RPS6KC1: variants seen among roughly 807,000 people sequenced by gnomAD.
RPS6KC1 encodes ribosomal protein S6 kinase C1.
Under a neutral mutation model 103.8 loss-of-function variants are expected in RPS6KC1, and 54 were observed. That is an observed-to-expected ratio of 0.52 (90% CI 0.42 to 0.65). The LOEUF is 0.65. Among genes scored for constraint, RPS6KC1 ranks in the 30% least tolerant of loss-of-function variants. The pLI is 0.00. For missense variants in RPS6KC1, 1,151 were observed against 1,253.8 expected (o/e 0.92, Z 1.24); for synonymous variants, 439 against 438.7 (o/e 1.00, Z -0.01).
the RPS6KC1 span, among the ~76,000 whole-genome samples, chr1:213,765,058 A>G: frequency 6.6e-6 from 1 of 152,008 alleles, no homozygotes; most frequent in Non-Finnish European, 1.5e-5. Context: ...CAGCCCTTGG[A>G]CACCCTCTCC....
the RPS6KC1 span, among the ~76,000 whole-genome samples, chr1:213,284,272 T>C: frequency 6.6e-6 from 1 of 152,148 alleles, no homozygotes; most frequent in African/African-American, 2.4e-5. Flanking sequence ...ATACCAACAC[T>C]TTGGGAGCCT....
chr1:213,238,540 TTAG>T (rs2094279833), intron 10 of RPS6KC1, among the ~76,000 whole-genome samples: 1 of 152,100 alleles, frequency 6.6e-6, no homozygotes, highest in Non-Finnish European at 1.5e-5. Flanking sequence ...TAGGCAGCAA[TTAG>T]TAGGGTAGAG....
chr1:213,172,351 T>C (rs2091537603), intron 7 of RPS6KC1, among the ~76,000 whole-genome samples: 1 of 152,110 alleles, frequency 6.6e-6, no homozygotes, highest in South Asian at 2.1e-4. Context: ...CCCAGCACTT[T>C]GGAAGGCTGA....
the RPS6KC1 span, among the ~76,000 whole-genome samples, chr1:213,607,136 C>A: frequency 6.6e-6 from 1 of 152,160 alleles, no homozygotes; most frequent in African/African-American, 2.4e-5. Flanking sequence ...CTCTCCCCTG[C>A]AACTTCTCTC....
the RPS6KC1 span, among the ~76,000 whole-genome samples, chr1:213,435,560 A>G: frequency 2.6e-5 from 4 of 152,204 alleles, no homozygotes; most frequent in Admixed American, 2.0e-4. Context: ...TTAAGCAGAA[A>G]CAGAGCAGTG....
At chr1:213,655,894 A>AACTC in the RPS6KC1 span, among the ~76,000 whole-genome samples, 1 of 152,152 alleles carries the variant, frequency 6.6e-6, no homozygotes, top group South Asian at 2.1e-4. Flanking sequence ...ATGTTAAGGA[A>AACTC]ACTCAGAAGT....
the RPS6KC1 span, among the ~76,000 whole-genome samples, chr1:213,654,799 A>G: frequency 6.6e-6 from 1 of 152,204 alleles, no homozygotes; most frequent in African/African-American, 2.4e-5. Context: ...ATCAGCCTAT[A>G]AGTTTCCAAA....
At chr1:213,530,232 C>T in the RPS6KC1 span, among the ~76,000 whole-genome samples, 9 of 152,222 alleles carry the variant, frequency 5.9e-5, no homozygotes, top group South Asian at 1.9e-3. Context: ...TTTCCATCTC[C>T]CCTACCTTAG....
chr1:213,808,582 G>A, the RPS6KC1 span, among the ~76,000 whole-genome samples: 37 of 152,348 alleles, frequency 2.4e-4, no homozygotes, highest in African/African-American at 8.9e-4. Context: ...GACCCTCCGA[G>A]CCAGGTGCAG....
the RPS6KC1 span, among the ~76,000 whole-genome samples, chr1:213,415,371 TG>T: frequency 2.6e-5 from 4 of 152,228 alleles, no homozygotes; most frequent in Non-Finnish European, 5.9e-5. Context: ...TCAACTTTGT[TG>T]TGGTGAGGGT....
the RPS6KC1 span, among the ~76,000 whole-genome samples, chr1:213,816,566 G>C: frequency 1.5e-4 from 23 of 152,204 alleles, 1 homozygote; most frequent in South Asian, 3.5e-3. Flanking sequence ...GCCGCTCATG[G>C]GGTACCTGGG....
At chr1:213,568,306 T>C in the RPS6KC1 span, among the ~76,000 whole-genome samples, 1 of 152,188 alleles carries the variant, frequency 6.6e-6, no homozygotes, top group Admixed American at 6.5e-5. Flanking sequence ...TACAGATCGC[T>C]CTGGGATGTC....
chr1:213,662,992 C>T, the RPS6KC1 span, among the ~76,000 whole-genome samples: 6 of 152,178 alleles, frequency 3.9e-5, no homozygotes, highest in African/African-American at 9.7e-5. Flanking sequence ...TGTCCACCCT[C>T]GCTAATATGT....
the RPS6KC1 span, among the ~76,000 whole-genome samples, chr1:213,402,020 T>G: frequency 6.6e-6 from 1 of 152,146 alleles, no homozygotes; most frequent in African/African-American, 2.4e-5. Flanking sequence ...AATTCTGGCT[T>G]CAGCCTCCCA....
the RPS6KC1 span, among the ~76,000 whole-genome samples, chr1:213,678,529 G>T: frequency 6.6e-6 from 1 of 152,220 alleles, no homozygotes; most frequent in Non-Finnish European, 1.5e-5. Context: ...TCCCCAGAGG[G>T]CAGCTAGGCA....
At chr1:213,242,371 G>A in intron 11 of RPS6KC1, 74 bp downstream of exon 11, 1 of 1,509,144 alleles carries the variant, frequency 6.6e-7, no homozygotes, top group Non-Finnish European at 9.2e-7. Flanking sequence ...GTTTTATCTT[G>A]TAATTAGTAT....
the RPS6KC1 span, among the ~76,000 whole-genome samples, chr1:213,636,531 A>C: frequency 6.6e-6 from 1 of 152,222 alleles, no homozygotes; most frequent in Non-Finnish European, 1.5e-5. Context: ...TCCCTATTTA[A>C]TAAATGGTGC....
the RPS6KC1 span, among the ~76,000 whole-genome samples, chr1:213,811,018 C>T: frequency 6.6e-6 from 1 of 152,168 alleles, no homozygotes; most frequent in African/African-American, 2.4e-5. Flanking sequence ...TTTAAAGAAA[C>T]TTAAAACAAA....
At chr1:213,203,641 A>C (rs576832875) in intron 8 of RPS6KC1, among the ~76,000 whole-genome samples, 1 of 152,286 alleles carries the variant, frequency 6.6e-6, no homozygotes, top group East Asian at 1.9e-4. Context: ...TTCAAGACAA[A>C]AATTTTCTGT....
Sources: allele counts gnomAD v4.1 joint callset (sites outside exome capture counted in the v4.1 genomes callset), GRCh38; gene constraint gnomAD v4.1.1; transcripts MANE v1.5; gene names NCBI Gene and HGNC (gene_info 2026-07-23, HGNC 2026-07-21).